BANK1: variants seen among roughly 807,000 people sequenced by gnomAD.
BANK1 encodes B-cell scaffold protein with ankyrin repeats.
In BANK1, 95 loss-of-function variants were observed where a neutral mutation model predicts 94.5. That is an observed-to-expected ratio of 1.00 (90% CI 0.85 to 1.19). BANK1 has a LOEUF of 1.19. Ranked by LOEUF, BANK1 falls within the 50% of genes most tolerant of loss-of-function variation. The pLI is 0.00. For synonymous variants in BANK1, 334 were observed against 308.4 expected, an observed-to-expected ratio of 1.08 and a Z score of -0.87; for missense variants, 987 against 932.2, an observed-to-expected ratio of 1.06 and a Z score of -0.77.
chr4:101,905,652 C>T (rs1267602557), intron 6 of BANK1, among the ~76,000 whole-genome samples: 1 of 152,176 alleles, frequency 6.6e-6, no homozygotes, highest in Non-Finnish European at 1.5e-5. Flanking sequence ...TTTATCCACC[C>T]TCAGTCCTGC....
intron 1 of BANK1, among the ~76,000 whole-genome samples, chr4:101,796,361 C>T (rs1237626641): frequency 6.6e-6 from 1 of 152,016 alleles, no homozygotes; most frequent in Non-Finnish European, 1.5e-5. Flanking sequence ...GCTAGCATAC[C>T]TTTATTTATC....
At chr4:101,822,129 T>G (rs1371795828) in intron 1 of BANK1, among the ~76,000 whole-genome samples, 2 of 151,978 alleles carry the variant, frequency 1.3e-5, no homozygotes, top group African/African-American at 4.8e-5. Flanking sequence ...CCTAGGTGGG[T>G]GGATCACTTG....
chr4:101,961,946 C>G (rs1347022504), intron 7 of BANK1, among the ~76,000 whole-genome samples: 1 of 152,130 alleles, frequency 6.6e-6, no homozygotes, highest in Admixed American at 6.6e-5. Context: ...TATATAAGTT[C>G]AGTCACCAGG....
chr4:102,067,033 G>C (rs1196727417), intron 13 of BANK1, among the ~76,000 whole-genome samples: 1 of 152,120 alleles, frequency 6.6e-6, no homozygotes, highest in Non-Finnish European at 1.5e-5. Context: ...TAAGCAGTCT[G>C]ATGTGTCAAC....
intron 6 of BANK1, among the ~76,000 whole-genome samples, chr4:101,913,222 T>C (rs1289112566): frequency 2.0e-5 from 3 of 152,134 alleles, no homozygotes; most frequent in African/African-American, 7.2e-5. Flanking sequence ...TTTTAATGAA[T>C]GTAGAGGAAA....
rs1003686868 is a variant in BANK1 at position 102,061,836 on chromosome 4, G to T, written c.2149-1239G>T. ...TCACCTAATAATAAGGTTATAATGG[G>T]ATAATGAATATTGTTCATGCTTATT... is the stretch of plus-strand genomic sequence containing the variant. On this transcript the variant is annotated intron_variant, in intron 12 of 16. Coordinates refer to ENST00000322953, the MANE Select transcript of BANK1 (RefSeq NM_017935.5). 6.6e-5 allele frequency: 10 copies of T among 152,222 alleles called. 3 individuals carry two copies. Among genetic ancestry groups the T allele is most frequent in the South Asian group, 2.1e-4 (1 of 4,818 alleles). The allele number at this position is 152,222 out of a possible 1,614,324, so 9.4% of individuals were successfully genotyped here.
At chr4:101,955,484 T>G in intron 7 of BANK1, among the ~76,000 whole-genome samples, 1 of 152,154 alleles carries the variant, frequency 6.6e-6, no homozygotes, top group East Asian at 1.9e-4. Context: ...TTTTTTTTCC[T>G]TTGATGCCAT....
intron 9 of BANK1, among the ~76,000 whole-genome samples, chr4:102,029,181 A>G (rs1283403253): frequency 6.6e-6 from 1 of 152,176 alleles, no homozygotes; most frequent in Admixed American, 6.5e-5. Context: ...CACAGAAGCC[A>G]TTGGCCAGTG....
intron 11 of BANK1, among the ~76,000 whole-genome samples, chr4:102,054,147 G>A (rs1448367725): frequency 1.3e-5 from 2 of 150,554 alleles, no homozygotes; most frequent in Non-Finnish European, 3.0e-5. Flanking sequence ...GATATCTTAT[G>A]AGATATTATT....
intron 1 of BANK1, among the ~76,000 whole-genome samples, chr4:101,796,180 G>A (rs1179097148): frequency 3.3e-5 from 5 of 152,170 alleles, no homozygotes; most frequent in Admixed American, 6.5e-5. Flanking sequence ...TGAGGAGACC[G>A]AAAGACAAAG....
rs1003927694 is a variant in BANK1 at position 101,913,189 on chromosome 4, T to C, written c.1010-4804T>C. Among the ~76,000 whole-genome samples the C allele has an allele frequency of 3.3e-5, 5 of 152,144 alleles. No homozygotes were observed. The South Asian group carries it at 8.3e-4, about 25-fold the overall frequency. On this transcript the variant is annotated intron_variant, in intron 6 of 16. Transcript: ENST00000322953. ...TGTCAAGACACAGCAGAGACAAAGTTGGTAATTTTCAAAAGGAATTTTTTT... is the reference window on the plus strand; with the variant it reads ...TGTCAAGACACAGCAGAGACAAAGTCGGTAATTTTCAAAAGGAATTTTTTT...
chr4:101,843,038 A>C (rs977537118), intron 2 of BANK1, among the ~76,000 whole-genome samples: 2 of 152,238 alleles, frequency 1.3e-5, no homozygotes, highest in African/African-American at 4.8e-5. Context: ...ACTTAGAAAA[A>C]TTAAAACTTT....
intron 7 of BANK1, among the ~76,000 whole-genome samples, chr4:101,947,802 C>G (rs1723988246): frequency 6.6e-6 from 1 of 151,972 alleles, no homozygotes; most frequent in South Asian, 2.1e-4. Flanking sequence ...TAGTCATGTT[C>G]ACTTATCATT....
chr4:101,808,200 C>A (rs1278786008), intron 1 of BANK1, among the ~76,000 whole-genome samples: 1 of 152,070 alleles, frequency 6.6e-6, no homozygotes, highest in Non-Finnish European at 1.5e-5. Context: ...TTATTTAATT[C>A]TCTTGCAAAT....
rs150091265 is a variant in BANK1 at position 102,060,294 on chromosome 4, G to A, written c.2053G>A (p.Glu685Lys). ...DGQEELILLQ[E>K]KVKNGKMSMD... ...TCAGGAAGAACTCATCCTCCTGCAG[G>A]AGAAAGTAAAGAATGGGAAAATGTC... Residue 685 changes from glutamate (E) to lysine (K), a missense_variant, in exon 12 of 17, where the codon GAG (glutamate) becomes AAG (lysine). Transcript: ENST00000322953. 9.9e-6 allele frequency: 16 copies of A among 1,610,730 alleles called. No homozygotes were observed. The African/African-American group carries it at 2.1e-4, about 22-fold the overall frequency.
intron 7 of BANK1, among the ~76,000 whole-genome samples, chr4:101,971,094 A>G (rs1465901449): frequency 6.6e-6 from 1 of 152,156 alleles, no homozygotes; most frequent in Non-Finnish European, 1.5e-5. Context: ...AAATAGCAAG[A>G]AATATAGCAT....
intron 6 of BANK1, among the ~76,000 whole-genome samples, chr4:101,905,437 G>A (rs576695440): frequency 2.6e-5 from 4 of 152,312 alleles, no homozygotes; most frequent in South Asian, 2.1e-4. Context: ...GGTGTTTCCC[G>A]AAATCGGGTT....
intron 1 of BANK1, among the ~76,000 whole-genome samples, chr4:101,823,446 C>T (rs1726249870): frequency 6.6e-6 from 1 of 152,212 alleles, no homozygotes; most frequent in Non-Finnish European, 1.5e-5. Flanking sequence ...GACAGTCTTA[C>T]TGGTAAGATC....
chr4:101,933,453 C>T (rs962160725), intron 7 of BANK1, among the ~76,000 whole-genome samples: 4 of 151,494 alleles, frequency 2.6e-5, no homozygotes, highest in African/African-American at 9.7e-5. Context: ...CTGCCCATTA[C>T]ACAAGGGTTG....
Sources: allele counts gnomAD v4.1 joint callset (sites outside exome capture counted in the v4.1 genomes callset), GRCh38; gene constraint gnomAD v4.1.1; transcripts MANE v1.5; gene names NCBI Gene and HGNC (gene_info 2026-07-23, HGNC 2026-07-21).